The following ERG variants were observed in gnomAD, a reference collection of about 807,000 sequenced individuals.
ERG encodes ETS transcription factor ERG.
Under a neutral mutation model 55.3 loss-of-function variants are expected in ERG, and 9 were observed. The ratio of observed to expected loss-of-function variants is 0.16; its 90% confidence interval spans 0.10 to 0.28. The LOEUF (loss-of-function observed/expected upper bound fraction) is 0.28, where lower values mean the gene tolerates loss of function less well. Among genes scored for constraint, ERG ranks in the 10% least tolerant of loss-of-function variants. The pLI, the probability that ERG is intolerant of heterozygous loss-of-function variation, is 1.00. For missense variants in ERG, 434 were observed against 631.6 expected (o/e 0.69, Z 3.35); for synonymous variants, 223 against 237.3 (o/e 0.94, Z 0.55).
chr21:38,658,713 G>T (rs1297377325), intron 1 of ERG, among the ~76,000 whole-genome samples: 2 of 152,204 alleles, frequency 1.3e-5, no homozygotes, highest in Non-Finnish European at 2.9e-5. Flanking sequence ...GTCTTTCAGA[G>T]ATGCTTTCCT....
chr21:38,651,006 T>C (rs1427273337), intron 1 of ERG, among the ~76,000 whole-genome samples: 1 of 152,248 alleles, frequency 6.6e-6, no homozygotes, highest in East Asian at 1.9e-4. Context: ...GTCATCAAGC[T>C]GGAATTATCT....
chr21:38,403,522 G>A lies in ERG; in HGVS notation c.576C>T (p.Leu192=). ...SYNADILLSH[L]HYLRETPLPH... is the part of the protein sequence containing the mutation. Reference sequence around the variant, plus strand: ...GGAGCTTACTCTCTCTGAGGTAGTGGAGATGTGAGAGAAGGATGTCGGCGT... The same window carrying A: ...GGAGCTTACTCTCTCTGAGGTAGTGAAGATGTGAGAGAAGGATGTCGGCGT... Residue 192 remains leucine, a synonymous_variant, in exon 4 of 10, where the codon CTC becomes CTT. Coordinates refer to ENST00000288319, the MANE Select transcript of ERG (RefSeq NM_182918.4). 6.2e-7 allele frequency: 1 copy of A among 1,614,138 alleles called. No individual in the cohort carries two copies. The highest frequency in any genetic ancestry group is 8.5e-7 in the Non-Finnish European group (1 of 1,179,968).
intron 2 of ERG, among the ~76,000 whole-genome samples, chr21:38,532,526 C>A (rs1601198321): frequency 6.6e-6 from 1 of 152,248 alleles, no homozygotes; most frequent in Middle Eastern, 3.4e-3. Flanking sequence ...GCAGGGGATT[C>A]TAAAGAAGGT....
chr21:38,581,298 T>C (rs761323305), intron 1 of ERG, among the ~76,000 whole-genome samples: 2 of 152,200 alleles, frequency 1.3e-5, no homozygotes, highest in African/African-American at 2.4e-5. Flanking sequence ...CACTTACTCC[T>C]TGGAAACCTA....
At chr21:38,630,543 C>T (rs1474000594) in intron 1 of ERG, among the ~76,000 whole-genome samples, 1 of 152,194 alleles carries the variant, frequency 6.6e-6, no homozygotes, top group Non-Finnish European at 1.5e-5. Flanking sequence ...GGCACACAGT[C>T]CTTCCATTCT....
At chr21:38,485,198 C>T (rs749287799) in intron 1 of ERG, among the ~76,000 whole-genome samples, 3 of 151,462 alleles carry the variant, frequency 2.0e-5, no homozygotes, top group African/African-American at 7.3e-5. Flanking sequence ...CCTGTGTAGA[C>T]CTACGCTAAT....
At chr21:38,419,438 CTGA>C (rs973457231) in intron 3 of ERG, among the ~76,000 whole-genome samples, 1 of 152,152 alleles carries the variant, frequency 6.6e-6, no homozygotes, top group African/African-American at 2.4e-5. Context: ...TTCATACTGC[CTGA>C]TGATACCTCG....
intron 1 of ERG, among the ~76,000 whole-genome samples, chr21:38,494,687 A>G (rs1454758586): frequency 6.6e-6 from 1 of 152,268 alleles, no homozygotes; most frequent in Admixed American, 6.5e-5. Context: ...GAAATGGTTC[A>G]GGCTCAGCAC....
intron 5 of ERG, 146 bp downstream of exon 5, chr21:38,402,411 A>T: frequency 1.6e-6 from 1 of 606,280 alleles, no homozygotes; most frequent in Non-Finnish European, 2.8e-6. Context: ...AGGCTGTGGT[A>T]CATTCCTAAG....
chr21:38,405,137 A>G (rs1988703999), intron 3 of ERG, among the ~76,000 whole-genome samples: 1 of 152,208 alleles, frequency 6.6e-6, no homozygotes, highest in African/African-American at 2.4e-5. Flanking sequence ...TAGTGGTTAG[A>G]AGTAACCACT....
chr21:38,635,619 C>G (rs2060383468), intron 1 of ERG, among the ~76,000 whole-genome samples: 1 of 152,048 alleles, frequency 6.6e-6, no homozygotes, highest in South Asian at 2.1e-4. Flanking sequence ...AAAACTGTTA[C>G]AAAAGGATTC....
chr21:38,432,512 A>T (rs1990262197), intron 2 of ERG, among the ~76,000 whole-genome samples: 1 of 152,256 alleles, frequency 6.6e-6, no homozygotes, highest in African/African-American at 2.4e-5. Flanking sequence ...CAGTTGGTTA[A>T]TCTTCCAACC....
At chr21:38,513,099 C>T (rs11088432) in intron 2 of ERG, among the ~76,000 whole-genome samples, 4 of 150,796 alleles carry the variant, frequency 2.7e-5, no homozygotes, top group African/African-American at 7.3e-5. Flanking sequence ...CCACTGCACT[C>T]GAGCCTGACA....
chr21:38,606,625 T>C (rs2060198543), intron 1 of ERG, among the ~76,000 whole-genome samples: 1 of 152,156 alleles, frequency 6.6e-6, no homozygotes. Context: ...AAAATGACTT[T>C]TTAAAAACAG....
chr21:38,516,767 C>T (rs925992597), intron 2 of ERG, among the ~76,000 whole-genome samples: 9 of 151,954 alleles, frequency 5.9e-5, no homozygotes, highest in South Asian at 2.1e-4. Context: ...TAAAAACAGA[C>T]GCATAGACCA....
At chr21:38,569,399 T>C (rs2146851752) in intron 2 of ERG, among the ~76,000 whole-genome samples, 1 of 152,334 alleles carries the variant, frequency 6.6e-6, no homozygotes, top group Middle Eastern at 3.4e-3. Flanking sequence ...CAGCAGTAGC[T>C]CCCACCTTTC....
At chr21:38,439,599 T>C (rs1421999028) in intron 2 of ERG, among the ~76,000 whole-genome samples, 1 of 152,170 alleles carries the variant, frequency 6.6e-6, no homozygotes, top group Non-Finnish European at 1.5e-5. Flanking sequence ...AAAAATGATG[T>C]CCTGTGTCTA....
At position 38,635,167 on chromosome 21, in the gene ERG, G is replaced by A. The variant is rs374375393; in HGVS notation, c.-150+26491C>T. Among the ~76,000 whole-genome samples, 42 of 152,278 alleles carry A rather than the reference G, an allele frequency of 2.8e-4. No homozygotes were observed. In the East Asian group the frequency reaches 3.1e-3, roughly 11 times the overall value. ...AGAGAAGGATGAATAGGGAGAGCCC[G>A]GGGCATTTTTAGGGCAGTGAAACTT... is the stretch of plus-strand genomic sequence containing the variant. On this transcript the variant is annotated intron_variant, in intron 1 of 10. Coordinates refer to the ERG transcript ENST00000398910.
At chr21:38,582,044 C>CAAAA (rs35717235) in intron 1 of ERG, among the ~76,000 whole-genome samples, 62 of 87,830 alleles carry the variant, frequency 7.1e-4, no homozygotes, top group African/African-American at 2.4e-3. Context: ...CTCCATCTCA[C>CAAAA]AAAAAAAAAA....
Sources: gnomAD v4.1 joint callset for allele counts (sites outside exome capture counted in the v4.1 genomes callset) on GRCh38, gnomAD v4.1.1 for gene constraint, MANE v1.5 for transcripts, NCBI Gene and HGNC (gene_info 2026-07-23, HGNC 2026-07-21) for gene names.